Variants in DIS3L2 observed in about 807,000 individuals in gnomAD.
DIS3L2 encodes the protein DIS3 like 3'-5' exoribonuclease 2.
In DIS3L2, 34 loss-of-function variants were observed where a neutral mutation model predicts 97.5. That is an observed-to-expected ratio of 0.35 (90% CI 0.27 to 0.46). The LOEUF (loss-of-function observed/expected upper bound fraction) is 0.46. Ranked by LOEUF, DIS3L2 falls within the 20% of genes least tolerant of loss-of-function variation. DIS3L2 has a pLI of 1.00. For missense variants in DIS3L2, 1,038 were observed against 1,146.0 expected (o/e 0.91, Z 1.36); for synonymous variants, 435 against 445.2 (o/e 0.98, Z 0.29).
intron 6 of DIS3L2, among the ~76,000 whole-genome samples, chr2:232,097,095 G>A (rs995988860): frequency 7.9e-5 from 12 of 152,274 alleles, no homozygotes; most frequent in African/African-American, 2.6e-4. Flanking sequence ...AAGGATTTGT[G>A]TATTGTAATC....
At chr2:232,308,016 T>C (rs1695031288) in intron 14 of DIS3L2, among the ~76,000 whole-genome samples, 1 of 152,170 alleles carries the variant, frequency 6.6e-6, no homozygotes, top group African/African-American at 2.4e-5. Flanking sequence ...GCAGGCCTGC[T>C]TGGGAAGGCT....
chr2:232,198,836 C>G (rs1048833398), intron 9 of DIS3L2: 1 of 152,254 alleles, frequency 6.6e-6, no homozygotes, highest in Admixed American at 6.5e-5. Flanking sequence ...AGATAGCCCA[C>G]GCGTTACTTC....
At chr2:232,029,950 C>T (rs1694758175) in intron 4 of DIS3L2, 29 bp from the exon 5 acceptor site, 1 of 1,532,518 alleles carries the variant, frequency 6.5e-7, no homozygotes, top group Non-Finnish European at 8.8e-7. Context: ...TTTAAGCTCA[C>T]TATTGTTTTA....
intron 9 of DIS3L2, among the ~76,000 whole-genome samples, chr2:232,167,690 G>A (rs545257477): frequency 1.3e-5 from 2 of 152,178 alleles, no homozygotes; most frequent in South Asian, 2.1e-4. Context: ...AAGGTGCTGC[G>A]TTTTTAGATT....
At chr2:232,012,128 G>A (rs780975876) in intron 1 of DIS3L2, among the ~76,000 whole-genome samples, 24 of 152,146 alleles carry the variant, frequency 1.6e-4, no homozygotes, top group Admixed American at 3.3e-4. Flanking sequence ...TGTTTTTAAA[G>A]TAGTTTCCTG....
intron 5 of DIS3L2, among the ~76,000 whole-genome samples, chr2:232,085,069 C>T (rs1290056773): frequency 6.6e-6 from 1 of 152,132 alleles, no homozygotes; most frequent in Non-Finnish European, 1.5e-5. Flanking sequence ...CTTTGTGTTA[C>T]TTTTAATTAG....
chr2:232,251,098 T>A (rs765899860), intron 12 of DIS3L2, among the ~76,000 whole-genome samples: 3 of 152,224 alleles, frequency 2.0e-5, no homozygotes, highest in Non-Finnish European at 4.4e-5. Flanking sequence ...TTTACTTTGA[T>A]GAAACCCTGT....
At chr2:232,314,774 C>G (rs1695225165) in intron 14 of DIS3L2, among the ~76,000 whole-genome samples, 1 of 152,212 alleles carries the variant, frequency 6.6e-6, no homozygotes, top group Admixed American at 6.5e-5. Flanking sequence ...TTCTGGGGAG[C>G]CTCCTGGCGC....
intron 9 of DIS3L2, among the ~76,000 whole-genome samples, chr2:232,163,839 T>C (rs757542735): frequency 6.6e-6 from 1 of 152,228 alleles, no homozygotes; most frequent in Non-Finnish European, 1.5e-5. Context: ...GAGCTAAGAA[T>C]GGTTTTTACA....
At chr2:232,259,271 TA>T (rs1456618588) in intron 12 of DIS3L2, among the ~76,000 whole-genome samples, 1 of 150,626 alleles carries the variant, frequency 6.6e-6, no homozygotes, top group Non-Finnish European at 1.5e-5. Flanking sequence ...TCTTGACTGA[TA>T]AGGAAACAAA....
At chr2:232,298,166 T>A (rs1172657121) in intron 13 of DIS3L2, among the ~76,000 whole-genome samples, 1 of 152,224 alleles carries the variant, frequency 6.6e-6, no homozygotes, top group Non-Finnish European at 1.5e-5. Context: ...TGTGTGACTA[T>A]AGCATAGTTT....
chr2:232,324,801 G>A (rs1288295638), intron 14 of DIS3L2, among the ~76,000 whole-genome samples: 3 of 152,180 alleles, frequency 2.0e-5, no homozygotes, highest in Non-Finnish European at 4.4e-5. Context: ...CTTGAACATT[G>A]CTTCCCTGTT....
intron 6 of DIS3L2, among the ~76,000 whole-genome samples, chr2:232,129,250 G>C (rs1479543775): frequency 2.0e-5 from 3 of 152,182 alleles, no homozygotes; most frequent in Non-Finnish European, 2.9e-5. Context: ...TATCTAAGTA[G>C]AGGATACTTA....
At chr2:232,018,190 G>A (rs1177704924) in intron 3 of DIS3L2, among the ~76,000 whole-genome samples, 4 of 152,136 alleles carry the variant, frequency 2.6e-5, no homozygotes, top group Non-Finnish European at 4.4e-5. Flanking sequence ...AGAGGACAGC[G>A]TTCTGCAGTG....
chr2:231,999,116 T>C (rs11683162), intron 1 of DIS3L2, among the ~76,000 whole-genome samples: 2,224 of 152,336 alleles, frequency 0.015, 22 homozygotes, highest in Non-Finnish European at 0.021. Flanking sequence ...CCTTGCAGCA[T>C]GAAAGCAGCC....
At chr2:232,128,451 ATTTTTTTTTTTTTTTT>A (rs10682281) in intron 6 of DIS3L2, among the ~76,000 whole-genome samples, 8 of 71,676 alleles carry the variant, frequency 1.1e-4, no homozygotes, top group Non-Finnish European at 2.0e-4. Flanking sequence ...AACTTTGCTA[ATTTTTTTTTTTTTTTT>A]TTTTTTTTTT....
intron 12 of DIS3L2, chr2:232,260,517 C>T (rs965404471): frequency 1.3e-5 from 2 of 152,228 alleles, no homozygotes; most frequent in Non-Finnish European, 1.5e-5. Flanking sequence ...TTCAGACCTG[C>T]TTGCCACAGT....
intron 9 of DIS3L2, among the ~76,000 whole-genome samples, chr2:232,175,362 T>G (rs1691122187): frequency 6.6e-6 from 1 of 152,196 alleles, no homozygotes; most frequent in African/African-American, 2.4e-5. Flanking sequence ...TGGGATAAAT[T>G]TCACCCTTGT....
chr2:232,131,640 A>G (rs1160228240), intron 7 of DIS3L2: 1 of 152,168 alleles, frequency 6.6e-6, no homozygotes, highest in Admixed American at 6.6e-5. Context: ...GGTGAAGGGC[A>G]ACGTATAAAG....
Sources: gnomAD v4.1 joint callset for allele counts (sites outside exome capture counted in the v4.1 genomes callset) on GRCh38, gnomAD v4.1.1 for gene constraint, MANE v1.5 for transcripts, NCBI Gene and HGNC (gene_info 2026-07-23, HGNC 2026-07-21) for gene names.